PHLPP2: variants seen among roughly 807,000 people sequenced by gnomAD.
PHLPP2 encodes the protein PH domain and leucine rich repeat protein phosphatase 2.
Under a neutral mutation model 124.9 loss-of-function variants are expected in PHLPP2, and 66 were observed. That is an observed-to-expected ratio of 0.53 (90% CI 0.43 to 0.65). PHLPP2 has a LOEUF of 0.65. PHLPP2 is among the 30% of genes least tolerant of loss of function. PHLPP2 has a pLI of 0.00. For missense variants in PHLPP2, 1,685 were observed against 1,600.4 expected, an observed-to-expected ratio of 1.05 and a Z score of -0.90; for synonymous variants, 681 against 624.7, an observed-to-expected ratio of 1.09 and a Z score of -1.34.
intron 4 of PHLPP2, among the ~76,000 whole-genome samples, chr16:71,687,107 T>C (rs1597005140): frequency 6.6e-6 from 1 of 152,354 alleles, no homozygotes; most frequent in East Asian, 1.9e-4. Context: ...TCTTTTAATT[T>C]CAGCCATTCT....
intron 10 of PHLPP2, among the ~76,000 whole-genome samples, chr16:71,669,622 T>C (rs2044873127): frequency 6.6e-6 from 1 of 152,136 alleles, no homozygotes. Context: ...TCAAAGAAGA[T>C]AAAAAGGCTT....
At chr16:71,701,676 A>G (rs190128655) in intron 3 of PHLPP2, among the ~76,000 whole-genome samples, 18 of 152,328 alleles carry the variant, frequency 1.2e-4, no homozygotes, top group South Asian at 6.2e-4. Flanking sequence ...ATTCTAGAAA[A>G]AAATATACAC....
At chr16:71,667,000 C>A (rs1303733250) in intron 12 of PHLPP2, among the ~76,000 whole-genome samples, 178 bp downstream of exon 12, 1 of 152,196 alleles carries the variant, frequency 6.6e-6, no homozygotes, top group South Asian at 2.1e-4. Context: ...TGAGTTACTG[C>A]CTCATAAAAC....
At chr16:71,656,708 C>CAT (rs2044744930) in intron 15 of PHLPP2, 27 bp from the exon 16 acceptor site, 1 of 1,290,466 alleles carries the variant, frequency 7.7e-7, no homozygotes, top group African/African-American at 1.5e-5. Flanking sequence ...AAGATTAAAC[C>CAT]ATATATTCTT....
intron 2 of PHLPP2, among the ~76,000 whole-genome samples, chr16:71,704,442 CAAGCTGAACATAAACAACTACA>C (rs2045259224): frequency 6.6e-6 from 1 of 151,532 alleles, no homozygotes; most frequent in African/African-American, 2.4e-5. Flanking sequence ...CTGTTGGCAA[CAAGCTGAACATAAACAACTACA>C]AAGCTGAACA....
intron 4 of PHLPP2, among the ~76,000 whole-genome samples, chr16:71,686,867 T>C (rs1435865001): frequency 6.6e-6 from 1 of 152,214 alleles, no homozygotes; most frequent in Non-Finnish European, 1.5e-5. Context: ...GTTTCTAGTT[T>C]TTAGCCATTA....
Position 71,658,281 on chromosome 16 carries a change from G to A in PHLPP2, c.2231C>T (p.Thr744Ile). Residue 744 changes from threonine (T) to isoleucine (I), a missense_variant, in exon 15 of 19, where the codon ACT (threonine) becomes ATT (isoleucine). By Grantham distance (89) the Thr-to-Ile change is moderately conservative (BLOSUM62 -1). Coordinates refer to ENST00000568954, the MANE Select transcript of PHLPP2 (RefSeq NM_015020.3). ...LPATLQDLDL[T>I]GNTNLVLEHK... ...TTCCAGAACCAGATTTGTATTTCCA[G>A]TCAGGTCAAGGTCTTGTAATGTAGC... 6.8e-6 allele frequency: 11 copies of A among 1,613,768 alleles called. No individual in the cohort carries two copies. The highest frequency in any genetic ancestry group is 1.1e-5 in the South Asian group (1 of 91,064).
At chr16:71,710,936 T>C (rs7198645) in intron 2 of PHLPP2, among the ~76,000 whole-genome samples, 5,719 of 152,274 alleles carry the variant, frequency 0.038, 360 homozygotes, top group African/African-American at 0.13. Flanking sequence ...CTCTAAACCA[T>C]TGCTGCATAT....
intron 1 of PHLPP2, among the ~76,000 whole-genome samples, chr16:71,722,435 A>C (rs2045404439): frequency 6.6e-6 from 1 of 152,126 alleles, no homozygotes; most frequent in Admixed American, 6.6e-5. Context: ...TCAAAAAATA[A>C]ATAAAAAGAA....
chr16:71,697,357 T>G (rs1302958014), intron 3 of PHLPP2, among the ~76,000 whole-genome samples: 1 of 152,012 alleles, frequency 6.6e-6, no homozygotes, highest in Non-Finnish European at 1.5e-5. Context: ...CAGGTAGAAG[T>G]GGCGCACATC....
chr16:71,666,223 C>T (rs1370672150), intron 12 of PHLPP2: 1 of 152,130 alleles, frequency 6.6e-6, no homozygotes, highest in African/African-American at 2.4e-5. Flanking sequence ...AAGAAAAAAA[C>T]TAGTTGTCAG....
Position 71,656,582 on chromosome 16 carries a change from C to A in PHLPP2, c.2379G>T (p.Gly793=), listed in dbSNP as rs754597890. The A allele has an allele frequency of 1.4e-5, 22 of 1,603,242 alleles. 1 individual carries two copies. Among genetic ancestry groups the A allele is most frequent in the Middle Eastern group, 3.3e-4 (2 of 6,070 alleles). ...FWSHGLAEMA[G]QRNKLCVSAL... Reference sequence around the variant, plus strand: ...GCCAATATACTCACTTATTTCTCTGCCCTGCCATCTCAGCCAGTCCATGGC... The same window carrying A: ...GCCAATATACTCACTTATTTCTCTGACCTGCCATCTCAGCCAGTCCATGGC... Residue 793 remains glycine, a synonymous_variant, in exon 16 of 19, where the codon GGG becomes GGT. Transcript: ENST00000568954.
chr16:71,689,512 C>T (rs190251551), intron 4 of PHLPP2, among the ~76,000 whole-genome samples: 141 of 151,950 alleles, frequency 9.3e-4, no homozygotes, highest in Admixed American at 1.6e-3. Context: ...CCTGCCTCAG[C>T]CTCCCAAGTA....
chr16:71,674,913 C>T (rs1292147363), intron 9 of PHLPP2, among the ~76,000 whole-genome samples: 2 of 152,342 alleles, frequency 1.3e-5, no homozygotes, highest in Admixed American at 1.3e-4. Context: ...AAGAGAATCG[C>T]TTGAACCTGG....
At chr16:71,679,788 G>A in intron 6 of PHLPP2, among the ~76,000 whole-genome samples, 1 of 152,078 alleles carries the variant, frequency 6.6e-6, no homozygotes. Context: ...TCCTTAAAAA[G>A]GAAGACAATC....
intron 12 of PHLPP2, among the ~76,000 whole-genome samples, chr16:71,665,825 A>C (rs2044834724): frequency 6.6e-6 from 1 of 152,234 alleles, no homozygotes; most frequent in South Asian, 2.1e-4. Context: ...TCAATACTCC[A>C]TTAAATGTTA....
chr16:71,687,525 C>T (rs148353246), intron 4 of PHLPP2, among the ~76,000 whole-genome samples: 7 of 152,142 alleles, frequency 4.6e-5, no homozygotes, highest in East Asian at 3.9e-4. Context: ...CTGATATATT[C>T]GGATTTATTA....
intron 6 of PHLPP2, 53 bp downstream of exon 6, chr16:71,681,698 C>T (rs757240920): frequency 3.7e-5 from 52 of 1,409,926 alleles, no homozygotes; most frequent in Non-Finnish European, 4.9e-5. Context: ...CCATAAGATA[C>T]TGATTATGAG....
At chr16:71,681,101 T>C (rs1264494671) in intron 6 of PHLPP2, among the ~76,000 whole-genome samples, 1 of 152,242 alleles carries the variant, frequency 6.6e-6, no homozygotes, top group Non-Finnish European at 1.5e-5. Flanking sequence ...TAAATCACTT[T>C]GAATGCTTTA....
Sources: gnomAD v4.1 joint callset for allele counts (sites outside exome capture counted in the v4.1 genomes callset) on GRCh38, gnomAD v4.1.1 for gene constraint, MANE v1.5 for transcripts, NCBI Gene and HGNC (gene_info 2026-07-23, HGNC 2026-07-21) for gene names.